Variants in CPLANE1 observed in about 807,000 individuals in gnomAD.
CPLANE1 encodes ciliogenesis and planar polarity effector 1.
Under a neutral mutation model 362.5 loss-of-function variants are expected in CPLANE1, and 263 were observed. The observed-to-expected ratio is 0.73, with a 90% CI of 0.66 to 0.80. The LOEUF (loss-of-function observed/expected upper bound fraction) is 0.80, where lower values mean the gene tolerates loss of function less well. Among genes scored for constraint, CPLANE1 ranks in the 30% least tolerant of loss-of-function variants. The probability of loss-of-function intolerance (pLI) is 0.00; values close to 1 mark genes in which losing one functional copy is unlikely to be tolerated. For missense variants in CPLANE1, 3,461 were observed against 3,793.4 expected (o/e 0.91, Z 2.30); for synonymous variants, 1,212 against 1,302.6 (o/e 0.93, Z 1.50).
At chr5:37,198,372 A>G (rs796153036) in intron 20 of CPLANE1, among the ~76,000 whole-genome samples, 4 of 152,072 alleles carry the variant, frequency 2.6e-5, no homozygotes, top group African/African-American at 9.6e-5. Flanking sequence ...CACAGACAAC[A>G]CCTCAAGGAG....
Position 37,177,618 on chromosome 5 carries a change from T to A in CPLANE1, c.5900+3A>T. 1 of 1,610,744 alleles carries A rather than the reference T, an allele frequency of 6.2e-7. No individual in the cohort carries two copies. The highest frequency in any genetic ancestry group is 8.5e-7 in the Non-Finnish European group (1 of 1,177,094). ...ATCACTGTCATACTTTTTTCCCCCT[T>A]ACCCTTTTTGTTCAGTCGATTTTTC... On this transcript the variant is annotated splice_donor_region_variant and intron_variant, in intron 30 of 52. Coordinates refer to ENST00000651892, the MANE Select transcript of CPLANE1 (RefSeq NM_001384732.1).
intron 20 of CPLANE1, 102 bp downstream of exon 20, chr5:37,198,600 G>C: frequency 8.8e-7 from 1 of 1,139,740 alleles, no homozygotes; most frequent in South Asian, 1.7e-5. Context: ...TGGATTTATA[G>C]GGCAGGACTC....
rs369870543 is a variant in CPLANE1 at position 37,169,048 on chromosome 5, A to G, written c.6976T>C (p.Leu2326=). The change falls in exon 34 of 53, where the codon TTG becomes CTG. Residue 2326 remains leucine, a synonymous_variant. Coordinates refer to ENST00000651892, the MANE Select transcript of CPLANE1 (RefSeq NM_001384732.1). ...ACTGAAGAGTCCTGTTGAGGTGTCA[A>G]ATTTTCTTGTCCAACATATTGATCC... ...NLDQYVGQEN[L]TPQQDSSVFI... is the part of the protein sequence containing the mutation. 1.4e-5 allele frequency: 22 copies of G among 1,614,102 alleles called. No homozygotes were observed. The highest frequency in any genetic ancestry group is 1.6e-4 in the Middle Eastern group (1 of 6,084).
intron 43 of CPLANE1, among the ~76,000 whole-genome samples, chr5:37,143,108 C>A (rs1446860592): frequency 6.6e-6 from 1 of 152,220 alleles, no homozygotes; most frequent in African/African-American, 2.4e-5. Flanking sequence ...TTTCTACCAT[C>A]AATAAAGTAC....
rs1762709320 is a variant in CPLANE1 at position 37,121,786 on chromosome 5, TG to T, written c.9018-3del. On this transcript the variant is annotated splice_region_variant and splice_polypyrimidine_tract_variant and intron_variant, in intron 48 of 52. Coordinates refer to ENST00000651892, the MANE Select transcript of CPLANE1 (RefSeq NM_001384732.1). ...CTATAGTGTTCAGAGAGCAGCAATC[TG>T]TAGACAAAGAATTAAGCATCATTTA... 3 of 1,611,890 alleles carry T rather than the reference TG, an allele frequency of 1.9e-6. No homozygotes were observed. In the South Asian group the frequency reaches 3.3e-5, roughly 18 times the overall value.
At chr5:37,121,491 C>T (rs910912824) in intron 49 of CPLANE1, 126 bp downstream of exon 49, 14 of 844,202 alleles carry the variant, frequency 1.7e-5, no homozygotes, top group Non-Finnish European at 2.2e-5. Context: ...CTACTTTTTT[C>T]CTTTATCATC....
At chr5:37,129,316 C>T (rs1765123597) in intron 46 of CPLANE1, among the ~76,000 whole-genome samples, 1 of 152,068 alleles carries the variant, frequency 6.6e-6, no homozygotes, top group South Asian at 2.1e-4. Context: ...AAGATAACAT[C>T]AGAAAAACCC....
At chr5:37,083,260 G>T in the CPLANE1 span, among the ~76,000 whole-genome samples, 1 of 152,282 alleles carries the variant, frequency 6.6e-6, no homozygotes, top group Admixed American at 6.5e-5. Context: ...CACCCTGCAG[G>T]ACAAAAGAAT....
In CPLANE1 at chr5:37,227,353, G is replaced by C. The variant is rs139940282; in HGVS notation, c.1411C>G (p.Leu471Val). Reference protein sequence around the residue: ...KGLNLRSLNSLRSSLLEHQGN... With the variant: ...KGLNLRSLNSVRSSLLEHQGN... ...TGGTGTTCTAACAGGCTAGACCTTA[G>C]GGAATTCAGTGATCGCAAGTTCAGT... The change falls in exon 11 of 53, where the codon CTA (leucine) becomes GTA (valine). Residue 471 changes from leucine (L) to valine (V), a missense_variant. Around this residue, in one of 2 missense-constraint regions of CPLANE1, gnomAD observed 3,380 missense variants for 3,666.1 expected, o/e 0.92. Transcript: ENST00000651892. 3.1e-4 allele frequency: 473 copies of C among 1,549,914 alleles called. 2 individuals are homozygous for C. The African/African-American group carries it at 5.7e-3, about 19-fold the overall frequency.
Position 37,165,555 on chromosome 5 carries a change from A to C in CPLANE1, c.7517T>G (p.Ile2506Ser). The part of the protein sequence containing the change: ...NSIINNDDSE[I>S]IKKPKEQQEH... ...TTTCTATACCTTGGGTTTCTTAATG[A>C]TTTCTGAATCATCATTATTAATTAT... Residue 2506 changes from isoleucine (I) to serine (S), a missense_variant, in exon 36 of 53, where the codon ATC (isoleucine) becomes AGC (serine). Coordinates refer to ENST00000651892, the MANE Select transcript of CPLANE1 (RefSeq NM_001384732.1). The C allele has an allele frequency of 6.2e-7, 1 of 1,608,404 alleles. No individual in the cohort carries two copies.
chr5:37,093,829 C>T, the CPLANE1 span, among the ~76,000 whole-genome samples: 1 of 152,126 alleles, frequency 6.6e-6, no homozygotes, highest in Admixed American at 6.5e-5. Context: ...TCTTGGAAGG[C>T]CAAAAGCTTT....
the CPLANE1 span, among the ~76,000 whole-genome samples, chr5:37,089,465 G>A: frequency 6.6e-6 from 1 of 152,128 alleles, no homozygotes; most frequent in Admixed American, 6.5e-5. Flanking sequence ...AGTGGCCTCT[G>A]AAGGGAGAGA....
At chr5:37,081,897 T>C in the CPLANE1 span, among the ~76,000 whole-genome samples, 1 of 151,744 alleles carries the variant, frequency 6.6e-6, no homozygotes, top group Non-Finnish European at 1.5e-5. Flanking sequence ...TCCCAGCACT[T>C]TGGGAGGCTG....
At position 37,142,388 on chromosome 5, in the gene CPLANE1, G is replaced by T; in HGVS notation, c.8554C>A (p.Gln2852Lys). 3 of 1,611,710 alleles carry T rather than the reference G, an allele frequency of 1.9e-6. No homozygotes were observed. The highest frequency in any genetic ancestry group is 2.5e-6 in the Non-Finnish European group (3 of 1,179,008). ...GCAGTAGGAAACACACAGGTTTTCT[G>T]ACCAGAATAATTTTCTGTTATTGAA... ...EFSITENYSG[Q>K]KTCVFPTADS... is the part of the protein sequence containing the mutation. The change falls in exon 44 of 53, where the codon CAG (glutamine) becomes AAG (lysine). Residue 2852 changes from glutamine to lysine, a missense_variant. Gln to Lys is a moderately conservative substitution (Grantham distance 53). Around this residue, in one of 2 missense-constraint regions of CPLANE1, gnomAD observed 3,380 missense variants for 3,666.1 expected, o/e 0.92. Transcript: ENST00000651892.
chr5:37,209,342 C>A lies in CPLANE1; in HGVS notation c.2921-2917G>T. 1 of 922,564 alleles carries A rather than the reference C, an allele frequency of 1.1e-6. No homozygotes were observed. The highest frequency in any genetic ancestry group is 1.3e-5 in the South Asian group (1 of 77,476). 57.1% of individuals were successfully genotyped at this position (922,564 alleles called of 1,614,324 possible). On this transcript the variant is annotated intron_variant, in intron 16 of 52. Transcript: ENST00000651892. This position sits in a 1 kb window ranked among gnomAD's most constrained non-coding sequence, Gnocchi z 4.6. ...GCCACGGCGGGGCGAGCGAGGCGGG[C>A]TCCGGAGGAAGCTGACGGCTGATGA...
At chr5:37,175,251 T>C (rs1780852136) in intron 31 of CPLANE1, among the ~76,000 whole-genome samples, 2 of 152,178 alleles carry the variant, frequency 1.3e-5, no homozygotes, top group Non-Finnish European at 2.9e-5. Context: ...AACTGAGCTG[T>C]AGGTACAGCT....
intron 38 of CPLANE1, among the ~76,000 whole-genome samples, chr5:37,160,358 A>G (rs1365531113): frequency 6.6e-6 from 1 of 152,044 alleles, no homozygotes; most frequent in African/African-American, 2.4e-5. Flanking sequence ...AGTTTGAGAC[A>G]AGCCTGGCCA....
chr5:37,210,525 G>A (rs1792293254), intron 16 of CPLANE1: 1 of 1,411,514 alleles, frequency 7.1e-7, no homozygotes, highest in African/African-American at 1.4e-5. Context: ...GGAGCTCATA[G>A]CTTTTAATTC....
chr5:37,186,179 G>C (rs886471920), intron 24 of CPLANE1, 107 bp downstream of exon 24: 6 of 609,242 alleles, frequency 9.8e-6, no homozygotes, highest in Admixed American at 2.7e-5. Flanking sequence ...TCAAGGAAGA[G>C]GCAAAAATGC....
Sources: gnomAD v4.1 joint callset for allele counts (sites outside exome capture counted in the v4.1 genomes callset) on GRCh38, gnomAD v4.1.1 for gene constraint, gnomAD v4.1.1 regional missense constraint, Gnocchi (gnomAD v3.1) non-coding constraint, MANE v1.5 for transcripts, NCBI Gene and HGNC (gene_info 2026-07-23, HGNC 2026-07-21) for gene names.